DIAPH2: variants seen among roughly 807,000 people sequenced by gnomAD.
DIAPH2 encodes the protein diaphanous related formin 2.
DIAPH2 carries 35 observed loss-of-function variants against 92.7 expected under a neutral mutation model. That is an observed-to-expected ratio of 0.38 (90% CI 0.29 to 0.50). The LOEUF (loss-of-function observed/expected upper bound fraction) is 0.50, where lower values mean the gene tolerates loss of function less well. Ranked by LOEUF, DIAPH2 falls within the 20% of genes least tolerant of loss-of-function variation. The probability of loss-of-function intolerance (pLI) is 0.94; values close to 1 mark genes in which losing one functional copy is unlikely to be tolerated. For missense variants in DIAPH2, 701 were observed against 819.5 expected, an observed-to-expected ratio of 0.86 and a Z score of 1.77; for synonymous variants, 301 against 280.4, an observed-to-expected ratio of 1.07 and a Z score of -0.73.
At chrX:96,751,662 T>TCA (rs1346057664) in intron 3 of DIAPH2, among the ~76,000 whole-genome samples, 1 of 74,734 alleles carries the variant, frequency 1.3e-5, no homozygotes, top group Non-Finnish European at 2.7e-5. Flanking sequence ...GTTTTTTTTT[T>TCA]TTTTTTTTTG....
At chrX:97,212,162 G>A (rs1475019276) in intron 22 of DIAPH2, among the ~76,000 whole-genome samples, 1 of 111,392 alleles carries the variant, frequency 9.0e-6, no homozygotes, top group Non-Finnish European at 1.9e-5. Flanking sequence ...AGACAATATG[G>A]TATGCTCTTC....
At chrX:97,308,917 G>A (rs1056392607) in intron 23 of DIAPH2, among the ~76,000 whole-genome samples, 17 of 104,594 alleles carry the variant, frequency 1.6e-4, no homozygotes, top group Non-Finnish European at 2.9e-4. Flanking sequence ...TACTTGGGAG[G>A]CTGAGGCAGG....
At chrX:97,406,113 T>C (rs1458828257) in intron 25 of DIAPH2, among the ~76,000 whole-genome samples, 2 of 112,269 alleles carry the variant, frequency 1.8e-5, no homozygotes, top group African/African-American at 6.5e-5. Context: ...GGTTAATTTA[T>C]CAGTCTTTAT....
intron 17 of DIAPH2, among the ~76,000 whole-genome samples, chrX:97,024,751 G>A (rs768873818): frequency 1.8e-5 from 2 of 112,031 alleles, no homozygotes; most frequent in Non-Finnish European, 3.8e-5. Context: ...AAATCTGACT[G>A]TTCTTGATTT....
chrX:97,242,176 A>G (rs2068101087), intron 22 of DIAPH2, among the ~76,000 whole-genome samples: 1 of 109,826 alleles, frequency 9.1e-6, no homozygotes, highest in Admixed American at 9.7e-5. Context: ...TCTGTTTTAG[A>G]TCTAATATAT....
chrX:97,151,663 C>T (rs1465040736), intron 22 of DIAPH2, among the ~76,000 whole-genome samples: 2 of 111,481 alleles, frequency 1.8e-5, no homozygotes, highest in East Asian at 5.6e-4. Flanking sequence ...TTGGCACTTA[C>T]TGACCTAAAA....
intron 21 of DIAPH2, among the ~76,000 whole-genome samples, chrX:97,136,805 T>C (rs1392810013): frequency 2.7e-5 from 3 of 110,944 alleles, no homozygotes; most frequent in Non-Finnish European, 5.7e-5. Context: ...CATCTTAATA[T>C]TCACTGACTA....
At chrX:96,743,025 G>A (rs182496879) in intron 3 of DIAPH2, among the ~76,000 whole-genome samples, 14 of 111,942 alleles carry the variant, frequency 1.3e-4, no homozygotes, top group East Asian at 1.1e-3. Flanking sequence ...TTTAAACTTC[G>A]TACATTTCTA....
intron 26 of DIAPH2, among the ~76,000 whole-genome samples, chrX:97,527,344 G>A (rs765418509): frequency 8.9e-6 from 1 of 112,410 alleles, no homozygotes; most frequent in Admixed American, 9.4e-5. Flanking sequence ...TGAAAACTAG[G>A]AAGAGAAATC....
At chrX:96,809,741 C>T (rs1050370864) in intron 4 of DIAPH2, among the ~76,000 whole-genome samples, 1 of 111,323 alleles carries the variant, frequency 9.0e-6, no homozygotes, top group Non-Finnish European at 1.9e-5. Context: ...TTGTTCAATT[C>T]CCACCTATCA....
At chrX:97,012,069 G>A (rs1277355191) in intron 17 of DIAPH2, among the ~76,000 whole-genome samples, 1 of 110,425 alleles carries the variant, frequency 9.1e-6, no homozygotes, top group Non-Finnish European at 1.9e-5. Flanking sequence ...TTGGGAGATG[G>A]ACATGAAAAC....
chrX:96,892,225 T>C (rs1265661833), intron 5 of DIAPH2, among the ~76,000 whole-genome samples: 1 of 111,830 alleles, frequency 8.9e-6, no homozygotes, highest in Non-Finnish European at 1.9e-5. Context: ...GGACTAACTA[T>C]GAAAGATGGA....
chrX:97,044,523 C>G (rs932117569), intron 17 of DIAPH2, among the ~76,000 whole-genome samples: 2 of 111,160 alleles, frequency 1.8e-5, no homozygotes, highest in African/African-American at 6.5e-5. Context: ...TCAAATTGTC[C>G]TGTATCTTTA....
intron 2 of DIAPH2, among the ~76,000 whole-genome samples, chrX:96,737,003 C>G (rs921630224): frequency 9.0e-6 from 1 of 111,489 alleles, no homozygotes; most frequent in Non-Finnish European, 1.9e-5. Flanking sequence ...TGAAGATATA[C>G]TATATAACTA....
At chrX:96,747,541 A>G (rs1690662549) in intron 3 of DIAPH2, among the ~76,000 whole-genome samples, 1 of 112,415 alleles carries the variant, frequency 8.9e-6, no homozygotes, top group Non-Finnish European at 1.9e-5. Flanking sequence ...TAATAGTTAT[A>G]TGCAATAAAT....
chrX:96,864,802 C>T (rs1480861073), intron 4 of DIAPH2, among the ~76,000 whole-genome samples: 1 of 111,958 alleles, frequency 8.9e-6, no homozygotes, highest in Non-Finnish European at 1.9e-5. Flanking sequence ...GGATAGGACA[C>T]TGAAGTAGAA....
chrX:96,844,234 A>AT (rs2064956614), intron 4 of DIAPH2, among the ~76,000 whole-genome samples: 1 of 112,721 alleles, frequency 8.9e-6, no homozygotes. Context: ...ACAAAGATGA[A>AT]TTTCAAAATA....
At chrX:97,162,085 CTT>C (rs1371070280) in intron 22 of DIAPH2, among the ~76,000 whole-genome samples, 1 of 111,391 alleles carries the variant, frequency 9.0e-6, no homozygotes, top group Non-Finnish European at 1.9e-5. Context: ...CTTAATATCT[CTT>C]AATATTACCT....
intron 22 of DIAPH2, among the ~76,000 whole-genome samples, chrX:97,229,671 A>C (rs2067992302): frequency 1.8e-5 from 2 of 109,257 alleles, no homozygotes; most frequent in Admixed American, 2.0e-4. Context: ...GACATGGGAC[A>C]CTCAATTACA....
Sources: gnomAD v4.1 joint callset for allele counts (sites outside exome capture counted in the v4.1 genomes callset) on GRCh38, gnomAD v4.1.1 for gene constraint, MANE v1.5 for transcripts, NCBI Gene and HGNC (gene_info 2026-07-23, HGNC 2026-07-21) for gene names.